The following GOLGA8H variants were observed in gnomAD, a reference collection of about 807,000 sequenced individuals.
The protein encoded by GOLGA8H is golgin subfamily A member 8H.
A neutral mutation model predicts 82.7 loss-of-function variants in GOLGA8H; 47 were observed. That is an observed-to-expected ratio of 0.57 (90% CI 0.45 to 0.73). The LOEUF is 0.73. Ranked by LOEUF, GOLGA8H falls within the 30% of genes least tolerant of loss-of-function variation. GOLGA8H has a pLI of 0.00. For synonymous variants in GOLGA8H, 108 were observed against 241.6 expected, an observed-to-expected ratio of 0.45 and a Z score of 5.13; for missense variants, 372 against 661.0, an observed-to-expected ratio of 0.56 and a Z score of 4.79.
chr15:30,614,971 T>G lies in GOLGA8H; in HGVS notation c.*410T>G, dbSNP rs1349099724. Reference sequence around the variant, plus strand: ...CTACAGAATTCAGACAAAATTTGCCTATGTTCTGCTGTTGTTTGATCTAAT... The same window carrying G: ...CTACAGAATTCAGACAAAATTTGCCGATGTTCTGCTGTTGTTTGATCTAAT... On this transcript the variant is annotated 3_prime_UTR_variant, in exon 19 of 19. Coordinates refer to ENST00000566740, the MANE Select transcript of GOLGA8H (RefSeq NM_001282490.2). Among the ~76,000 whole-genome samples the G allele has an allele frequency of 1.3e-5, 2 of 151,910 alleles. No individual in the cohort carries two copies. Among genetic ancestry groups the G allele is most frequent in the South Asian group, 2.1e-4 (1 of 4,818 alleles).
At chr15:30,612,696 G>A in intron 14 of GOLGA8H, 24 bp downstream of exon 14, 1 of 1,584,534 alleles carries the variant, frequency 6.3e-7, no homozygotes, top group South Asian at 1.1e-5. Flanking sequence ...CTCAGAGGAA[G>A]AGGAGAGAGC....
intron 16 of GOLGA8H, 35 bp from the exon 17 acceptor site, chr15:30,613,918 A>C (rs199996065): frequency 7.8e-7 from 1 of 1,280,550 alleles, no homozygotes; most frequent in East Asian, 2.3e-5. Context: ...GGGCCGTCGG[A>C]GGGGCCCCAG....
chr15:30,604,029 C>T lies in GOLGA8H; in HGVS notation c.-97C>T, dbSNP rs2648175. The stretch of plus-strand genomic sequence containing the variant: ...CCCTGGTTACGCCTCCTCTGGCTCA[C>T]TCACACAGCTGCCTGGTAGGTGACT... On this transcript the variant is annotated 5_prime_UTR_variant, in exon 1 of 19. Transcript: ENST00000566740. 20 of 1,112,850 alleles carry T rather than the reference C, an allele frequency of 1.8e-5. 1 individual carries two copies. Among genetic ancestry groups the T allele is most frequent in the Admixed American group, 4.1e-5 (2 of 48,948 alleles). The allele number at this position is 1,112,850 out of a possible 1,614,324, so 68.9% of individuals were successfully genotyped here.
chr15:30,612,570 C>T (rs1480602498), intron 13 of GOLGA8H, 27 bp from the exon 14 acceptor site: 1 of 1,594,090 alleles, frequency 6.3e-7, no homozygotes. Context: ...AAACTCCACC[C>T]CTTCTCACTC....
At chr15:30,606,129 C>G (rs143536437) in intron 2 of GOLGA8H, among the ~76,000 whole-genome samples, 167 bp downstream of exon 2, 14 of 151,268 alleles carry the variant, frequency 9.3e-5, no homozygotes, top group Admixed American at 5.9e-4. Context: ...CCAAGGCAGG[C>G]GGATCATGAG....
chr15:30,608,720 T>C lies in GOLGA8H; in HGVS notation c.555T>C (p.Ser185=). 1.3e-6 allele frequency: 2 copies of C among 1,521,398 alleles called. No homozygotes were observed. The highest frequency in any genetic ancestry group is 1.8e-6 in the Non-Finnish European group (2 of 1,123,778). The allele number at this position is 1,521,398 out of a possible 1,614,324, so 94.2% of individuals were successfully genotyped here. Residue 185 remains serine (S), a synonymous_variant, in exon 8 of 19, where the codon TCT becomes TCC. Coordinates refer to ENST00000566740, the MANE Select transcript of GOLGA8H (RefSeq NM_001282490.2). ...AAGGAGAGTTAGAGAGTGTTCTCTC[T>C]AATGTCATGGCCACACAGAAGAAGA... ...QRKGELESVL[S]NVMATQKKKA...
rs1485635421 is a variant in GOLGA8H at position 30,610,093 on chromosome 15, A to C, written c.773A>C (p.Lys258Thr). The change falls in exon 10 of 19, where the codon AAA (lysine) becomes ACA (threonine). Residue 258 changes from lysine to threonine, a missense_variant. Physicochemically the swap from Lys to Thr is moderately conservative, Grantham distance 78. Transcript: ENST00000566740. ...GCCCGGTGGCAGCAGAGGATGAGAAAAATGTCGCAGGAGGTGAGATCTCAC... is the reference window on the plus strand; with the variant it reads ...GCCCGGTGGCAGCAGAGGATGAGAACAATGTCGCAGGAGGTGAGATCTCAC... Reference protein sequence around the residue: ...ERARWQQRMRKMSQEICTLKK... With the variant: ...ERARWQQRMRTMSQEICTLKK... The C allele has an allele frequency of 1.2e-6, 2 of 1,610,822 alleles. No individual in the cohort carries two copies. The highest frequency in any genetic ancestry group is 2.7e-5 in the African/African-American group (2 of 74,394).
Position 30,610,047 on chromosome 15 carries a change from G to C in GOLGA8H, c.727G>C (p.Glu243Gln), listed in dbSNP as rs2059992693. The change falls in exon 10 of 19, where the codon GAA becomes CAA. Residue 243 changes from glutamate (E) to glutamine (Q), a missense_variant. Physicochemically the swap from Glu to Gln is conservative, Grantham distance 29. Coordinates refer to ENST00000566740, the MANE Select transcript of GOLGA8H (RefSeq NM_001282490.2). ...CCAATTAGAAAGAGATGAGTGTGCT[G>C]AACATCTAAAAGGAGAGAGGGCCCG... is the stretch of plus-strand genomic sequence containing the variant. Reference protein sequence around the residue: ...QVQLERDECAEHLKGERARWQ... With the variant: ...QVQLERDECAQHLKGERARWQ... 1 of 1,611,522 alleles carries C rather than the reference G, an allele frequency of 6.2e-7. No individual in the cohort carries two copies. The highest frequency in any genetic ancestry group is 2.2e-5 in the East Asian group (1 of 44,800).
rs761424563 is a variant in GOLGA8H at position 30,612,626 on chromosome 15, C to G, written c.1230C>G (p.Asn410Lys). ...EEHLEAASQQNQQLTAQLSLM... is the reference protein window; with the variant it reads ...EEHLEAASQQKQQLTAQLSLM... Reference sequence around the variant, plus strand: ...ACCTGGAAGCTGCCAGCCAGCAGAACCAGCAGCTAACGGCCCAGCTGAGCC... The same window carrying G: ...ACCTGGAAGCTGCCAGCCAGCAGAAGCAGCAGCTAACGGCCCAGCTGAGCC... The change falls in exon 14 of 19, where the codon AAC (asparagine) becomes AAG (lysine). Residue 410 changes from asparagine (N) to lysine (K), a missense_variant. Transcript: ENST00000566740. 1.3e-5 allele frequency: 20 copies of G among 1,595,336 alleles called. No individual in the cohort carries two copies. In the Admixed American group the frequency reaches 1.5e-4, roughly 12 times the overall value.
intron 11 of GOLGA8H, among the ~76,000 whole-genome samples, 156 bp downstream of exon 11, chr15:30,610,545 G>T (rs1419633227): frequency 6.7e-6 from 1 of 148,378 alleles, no homozygotes; most frequent in Non-Finnish European, 1.5e-5. Flanking sequence ...ATCTCAATGA[G>T]TCTCAGTGTC....
Position 30,615,431 on chromosome 15 carries a change from T to A in GOLGA8H, c.*870T>A, listed in dbSNP as rs1179600726. Among the ~76,000 whole-genome samples, 4 of 151,878 alleles carry A rather than the reference T, an allele frequency of 2.6e-5. No individual in the cohort carries two copies. The highest frequency in any genetic ancestry group is 3.9e-4 in the East Asian group (2 of 5,156). ...CCATCATTGACTGTGGATGTGGAAA[T>A]CCTTTCCTAGCTTAGAGCATTTGTA... is the stretch of plus-strand genomic sequence containing the variant. On this transcript the variant is annotated 3_prime_UTR_variant, in exon 19 of 19. Transcript: ENST00000566740.
rs570028276 is a variant in GOLGA8H, at chr15:30,609,648, T to A, written c.592-158T>A. 1.4e-3 allele frequency among the ~76,000 whole-genome samples: 212 copies of A among 151,920 alleles called. 3 individuals carry two copies. Among genetic ancestry groups the A allele is most frequent in the Middle Eastern group, 0.014 (4 of 294 alleles). On this transcript the variant is annotated intron_variant, in intron 8 of 18. Transcript: ENST00000566740. ...AATCTCATTCCCTGTCCGTTCCAAC[T>A]TTACTGTGTTCTTTTAAAAACCAGA...
chr15:30,604,715 AG>A (rs1311627888), intron 1 of GOLGA8H, among the ~76,000 whole-genome samples: 2 of 64,756 alleles, frequency 3.1e-5, no homozygotes, highest in Admixed American at 1.7e-4. Context: ...CCCCCCGACC[AG>A]GAGGAGTGGA....
In GOLGA8H at chr15:30,614,999, T is replaced by TA. The variant is rs749612944; in HGVS notation, c.*440dup. Among the ~76,000 whole-genome samples the TA allele has an allele frequency of 3.0e-4, 46 of 151,934 alleles. No homozygotes were observed. The highest frequency in any genetic ancestry group is 1.2e-3 in the Admixed American group (18 of 15,224). On this transcript the variant is annotated 3_prime_UTR_variant, in exon 19 of 19. Coordinates refer to ENST00000566740, the MANE Select transcript of GOLGA8H (RefSeq NM_001282490.2). Reference sequence around the variant, plus strand: ...GTTCTGCTGTTGTTTGATCTAATCTTAATCACAGTGAGCTCTTCATTAGCT... The same window carrying TA: ...GTTCTGCTGTTGTTTGATCTAATCTTAAATCACAGTGAGCTCTTCATTAGCT...
At position 30,610,246 on chromosome 15, in the gene GOLGA8H, C is replaced by A. The variant is rs559778446; in HGVS notation, c.787-56C>A. 2.3e-4 allele frequency: 202 copies of A among 894,620 alleles called. 2 individuals are homozygous for A. Among genetic ancestry groups the A allele is most frequent in the Admixed American group, 4.4e-4 (23 of 51,780 alleles). 55.4% of individuals were successfully genotyped at this position (894,620 alleles called of 1,614,324 possible). A position where few individuals can be genotyped will look rare whatever the true frequency, so the allele number is the denominator to read the frequency against. ...GTGGGGGCAGAGAGGGAGAGGGCAG[C>A]CTGTCCAGCCTCCAGCCCCTCTCTC... On this transcript the variant is annotated intron_variant, in intron 10 of 18. Coordinates refer to ENST00000566740, the MANE Select transcript of GOLGA8H (RefSeq NM_001282490.2).
At chr15:30,607,655 T>A in intron 4 of GOLGA8H, 1 of 492,204 alleles carries the variant, frequency 2.0e-6, no homozygotes, top group East Asian at 4.0e-5. Context: ...TCCTTTTCCA[T>A]CCTATATCTG....
rs773090336 is a variant in GOLGA8H at position 30,610,058 on chromosome 15, A to G, written c.738A>G (p.Lys246=). ...GAGATGAGTGTGCTGAACATCTAAAAGGAGAGAGGGCCCGGTGGCAGCAGA... is the reference window on the plus strand; with the variant it reads ...GAGATGAGTGTGCTGAACATCTAAAGGGAGAGAGGGCCCGGTGGCAGCAGA... ...LERDECAEHL[K]GERARWQQRM... The change falls in exon 10 of 19, where the codon AAA becomes AAG. Residue 246 remains lysine (K), a synonymous_variant. Coordinates refer to ENST00000566740, the MANE Select transcript of GOLGA8H (RefSeq NM_001282490.2). The G allele has an allele frequency of 1.4e-5, 22 of 1,611,498 alleles. No homozygotes were observed. Among genetic ancestry groups the G allele is most frequent in the Non-Finnish European group, 1.8e-5 (21 of 1,179,766 alleles).
intron 13 of GOLGA8H, 77 bp downstream of exon 13, chr15:30,611,423 C>G (rs4042373): frequency 7.4e-6 from 11 of 1,481,964 alleles, no homozygotes; most frequent in African/African-American, 1.4e-5. Context: ...GGGGAGGTGC[C>G]AGGCCAGAGG....
In GOLGA8H at chr15:30,608,511, G is replaced by C; in HGVS notation, c.441G>C (p.Thr147=). Residue 147 remains threonine (T), a synonymous_variant, in exon 7 of 19, where the codon ACG becomes ACC. Transcript: ENST00000566740. ...ACATACAGAAAGGGAAACTAAATAC[G>C]GACCTGTACCACATGAAACGTTCTC... is the stretch of plus-strand genomic sequence containing the variant. ...TLNIQKGKLN[T]DLYHMKRSLR... 1.2e-6 allele frequency: 2 copies of C among 1,610,824 alleles called. No homozygotes were observed. The highest frequency in any genetic ancestry group is 4.5e-5 in the East Asian group (2 of 44,784).
Sources: gnomAD v4.1 joint callset for allele counts (sites outside exome capture counted in the v4.1 genomes callset) on GRCh38, gnomAD v4.1.1 for gene constraint, MANE v1.5 for transcripts, NCBI Gene and HGNC (gene_info 2026-07-23, HGNC 2026-07-21) for gene names.